PRKAG2: variants seen among roughly 807,000 people sequenced by gnomAD.
PRKAG2 encodes the protein 5'-AMP-activated protein kinase subunit gamma-2.
Under a neutral mutation model 69.6 loss-of-function variants are expected in PRKAG2, and 26 were observed. The observed-to-expected ratio is 0.37, with a 90% CI of 0.27 to 0.52. PRKAG2 has a LOEUF of 0.52. Among genes scored for constraint, PRKAG2 ranks in the 20% least tolerant of loss-of-function variants. The pLI, the probability that PRKAG2 is intolerant of heterozygous loss-of-function variation, is 0.90. For missense variants in PRKAG2, 557 were observed against 740.0 expected, an observed-to-expected ratio of 0.75 and a Z score of 2.87; for synonymous variants, 293 against 285.0, an observed-to-expected ratio of 1.03 and a Z score of -0.28.
In PRKAG2 at chr7:151,814,299, A is replaced by G; in HGVS notation, c.115-27758T>C. 1.4e-6 allele frequency: 1 copy of G among 690,082 alleles called. No homozygotes were observed. The highest frequency in any genetic ancestry group is 1.9e-6 in the Non-Finnish European group (1 of 524,928). The allele number at this position is 690,082 out of a possible 1,614,324, so 42.7% of individuals were successfully genotyped here. A position where few individuals can be genotyped will look rare whatever the true frequency, so the allele number is the denominator to read the frequency against. ...AGAGGCTCTTGGAGAACAAAGCCAC[A>G]ATTCAGCATCAGTCTTACACACCAA... On this transcript the variant is annotated intron_variant, in intron 1 of 15. Transcript: ENST00000287878. This position sits in a 1 kb window ranked among gnomAD's most constrained non-coding sequence, Gnocchi z 4.8.
chr7:151,778,300 A>G (rs1473139792), intron 3 of PRKAG2, among the ~76,000 whole-genome samples: 2 of 151,954 alleles, frequency 1.3e-5, no homozygotes. Context: ...ACATTTTACT[A>G]CAATACCAAG....
intron 3 of PRKAG2, among the ~76,000 whole-genome samples, chr7:151,676,054 C>G (rs1832891508): frequency 6.6e-6 from 1 of 152,176 alleles, no homozygotes; most frequent in African/African-American, 2.4e-5. Flanking sequence ...TTTACACACA[C>G]CCTCCAGAGG....
chr7:151,711,988 C>T (rs769366111), intron 3 of PRKAG2, among the ~76,000 whole-genome samples: 22 of 152,204 alleles, frequency 1.4e-4, no homozygotes, highest in Admixed American at 4.6e-4. Context: ...GTTTCCCAGG[C>T]GCCCCAGGTG....
chr7:151,635,002 C>T (rs1429304837), intron 4 of PRKAG2, among the ~76,000 whole-genome samples: 3 of 147,280 alleles, frequency 2.0e-5, no homozygotes, highest in Admixed American at 6.9e-5. Flanking sequence ...CAGGCTGGAG[C>T]GCAGTGGACC....
At chr7:151,662,139 G>C (rs1157843497) in intron 4 of PRKAG2, among the ~76,000 whole-genome samples, 1 of 152,226 alleles carries the variant, frequency 6.6e-6, no homozygotes, top group African/African-American at 2.4e-5. Flanking sequence ...CGCACCGGCT[G>C]TTACATAGGT....
At chr7:151,616,085 T>C (rs891807331) in intron 5 of PRKAG2, among the ~76,000 whole-genome samples, 1 of 152,212 alleles carries the variant, frequency 6.6e-6, no homozygotes, top group Non-Finnish European at 1.5e-5. Context: ...ATTTTGCCAC[T>C]GGTCAGAGGG....
At chr7:151,678,456 T>C (rs2727541) in intron 3 of PRKAG2, among the ~76,000 whole-genome samples, 66,177 of 151,868 alleles carry the variant, frequency 0.44, 14,685 homozygotes, top group Middle Eastern at 0.49. Context: ...TTTTGTTTTG[T>C]GTGTCCGGGG....
intron 3 of PRKAG2, among the ~76,000 whole-genome samples, chr7:151,745,481 C>T (rs62478186): frequency 5.4e-4 from 82 of 152,274 alleles, no homozygotes; most frequent in Admixed American, 2.5e-3. Flanking sequence ...GACTCAAGCC[C>T]CCACGCCTCT....
At chr7:151,703,848 ACACACACACACACAC>A (rs1838138853) in intron 3 of PRKAG2, among the ~76,000 whole-genome samples, 1 of 21,304 alleles carries the variant, frequency 4.7e-5, no homozygotes, top group Admixed American at 6.7e-4. Flanking sequence ...ACTGGAAAAC[ACACACACACACACAC>A]ACACACACAC....
intron 3 of PRKAG2, among the ~76,000 whole-genome samples, chr7:151,723,036 G>A (rs1408198530): frequency 6.6e-6 from 1 of 152,136 alleles, no homozygotes; most frequent in Non-Finnish European, 1.5e-5. Flanking sequence ...TCCACCGCAG[G>A]AGAACTGGAG....
chr7:151,696,724 G>A (rs75789734), intron 3 of PRKAG2, among the ~76,000 whole-genome samples: 1,824 of 152,334 alleles, frequency 0.012, 24 homozygotes, highest in South Asian at 0.027. Flanking sequence ...GGAAGGCAGG[G>A]TCAGGCCAAA....
chr7:151,665,656 A>T (rs946318147), intron 4 of PRKAG2, among the ~76,000 whole-genome samples: 2 of 152,270 alleles, frequency 1.3e-5, no homozygotes, highest in Admixed American at 6.5e-5. Context: ...AAATTTTTCC[A>T]AACTATTTTT....
chr7:151,863,105 A>G (rs1413461564), intron 1 of PRKAG2, among the ~76,000 whole-genome samples: 1 of 151,046 alleles, frequency 6.6e-6, no homozygotes. Context: ...CCCCGGGTGC[A>G]GGGACCACTG....
intron 1 of PRKAG2, among the ~76,000 whole-genome samples, chr7:151,793,203 C>T (rs1483638845): frequency 6.6e-6 from 1 of 152,126 alleles, no homozygotes; most frequent in African/African-American, 2.4e-5. Context: ...AAATAATTTC[C>T]TCCTACTCTC....
chr7:151,822,579 C>T (rs969861935), intron 1 of PRKAG2, among the ~76,000 whole-genome samples: 4 of 152,142 alleles, frequency 2.6e-5, no homozygotes, highest in Non-Finnish European at 1.5e-5. Context: ...GGCCAGGAGG[C>T]GAGGGGAAGG....
At chr7:151,671,583 A>G (rs1673941191) in intron 4 of PRKAG2, among the ~76,000 whole-genome samples, 1 of 152,248 alleles carries the variant, frequency 6.6e-6, no homozygotes, top group Non-Finnish European at 1.5e-5. Flanking sequence ...CTCCCAAAAG[A>G]TAACAACTGT....
chr7:151,853,594 TA>T (rs1249930502), intron 1 of PRKAG2, among the ~76,000 whole-genome samples: 2 of 151,858 alleles, frequency 1.3e-5, no homozygotes, highest in East Asian at 3.9e-4. Context: ...CCAGCTCTAC[TA>T]AAAAATACAA....
chr7:151,845,719 G>A (rs911550488), intron 1 of PRKAG2, among the ~76,000 whole-genome samples: 2 of 152,208 alleles, frequency 1.3e-5, no homozygotes, highest in African/African-American at 2.4e-5. Context: ...TGCTGAGGGC[G>A]GCAGGTAGTG....
Position 151,780,923 on chromosome 7 carries a change from G to A in PRKAG2, c.466+229C>T, listed in dbSNP as rs1563657859. The stretch of plus-strand genomic sequence containing the variant: ...ACCCAAGGACCTTGCTGGACCAGAA[G>A]GATTACGCTTTGATAGATTAGCATG... On this transcript the variant is annotated intron_variant, in intron 3 of 15. Transcript: ENST00000287878. This position sits in a 1 kb window ranked among gnomAD's most constrained non-coding sequence, Gnocchi z 4.2. Among the ~76,000 whole-genome samples, 1 of 152,214 alleles carries A rather than the reference G, an allele frequency of 6.6e-6. No homozygotes were observed. Among genetic ancestry groups the A allele is most frequent in the Non-Finnish European group, 1.5e-5 (1 of 68,044 alleles).
Sources: gnomAD v4.1 joint callset for allele counts (sites outside exome capture counted in the v4.1 genomes callset) on GRCh38, gnomAD v4.1.1 for gene constraint, Gnocchi (gnomAD v3.1) non-coding constraint, MANE v1.5 for transcripts, NCBI Gene and HGNC (gene_info 2026-07-23, HGNC 2026-07-21) for gene names.